Variants in FANCM observed in about 807,000 individuals in gnomAD.
FANCM encodes the protein FA complementation group M, also known as Fanconi anemia group M protein.
Under a neutral mutation model 199.5 loss-of-function variants are expected in FANCM, and 140 were observed. The observed-to-expected ratio is 0.70, with a 90% CI of 0.61 to 0.81. The LOEUF (loss-of-function observed/expected upper bound fraction) is 0.81. Among genes scored for constraint, FANCM ranks in the 30% least tolerant of loss-of-function variants. The pLI is 0.00. For synonymous variants in FANCM, 840 were observed against 836.8 expected (o/e 1.00, Z -0.07); for missense variants, 2,410 against 2,421.4 (o/e 1.00, Z 0.10).
At chr14:45,166,328 G>A (rs1321165818) in intron 10 of FANCM, among the ~76,000 whole-genome samples, 2 of 151,594 alleles carry the variant, frequency 1.3e-5, no homozygotes, top group African/African-American at 4.8e-5. Context: ...CAGTAGAGAC[G>A]AGGGTTCACC....
At chr14:45,141,023 C>T (rs1885881984) in intron 3 of FANCM, among the ~76,000 whole-genome samples, 1 of 152,010 alleles carries the variant, frequency 6.6e-6, no homozygotes, top group Non-Finnish European at 1.5e-5. Context: ...GGTGACAGAG[C>T]AAGACCCGTA....
chr14:45,193,901 G>C (rs951504463), intron 20 of FANCM, among the ~76,000 whole-genome samples: 1 of 152,062 alleles, frequency 6.6e-6, no homozygotes, highest in Non-Finnish European at 1.5e-5. Flanking sequence ...ATTTTGGGTA[G>C]TATTGTCATC....
chr14:45,188,742 T>G lies in FANCM; in HGVS notation c.4780-60T>G, dbSNP rs1889565539. On this transcript the variant is annotated intron_variant, in intron 19 of 22. Coordinates refer to ENST00000267430, the MANE Select transcript of FANCM (RefSeq NM_020937.4). The stretch of plus-strand genomic sequence containing the variant: ...CAGATTTCATGTGCCTAGAAGTATA[T>G]TTTAAATACCTGTTAATTGTCTGAA... 8.6e-6 allele frequency: 11 copies of G among 1,285,434 alleles called. No individual in the cohort carries two copies. The East Asian group carries it at 2.6e-4, about 30-fold the overall frequency. The allele number at this position is 1,285,434 out of a possible 1,614,324, so 79.6% of individuals were successfully genotyped here. A position where few individuals can be genotyped will look rare whatever the true frequency, so the allele number is the denominator to read the frequency against.
At position 45,185,335 on chromosome 14, in the gene FANCM, T is replaced by C; in HGVS notation, c.4634T>C (p.Phe1545Ser). 1.3e-6 allele frequency: 2 copies of C among 1,593,950 alleles called. No individual in the cohort carries two copies. The highest frequency in any genetic ancestry group is 1.7e-6 in the Non-Finnish European group (2 of 1,166,110). The change falls in exon 18 of 23, where the codon TTT becomes TCT. Residue 1545 changes from phenylalanine (F) to serine (S), a missense_variant. Phe to Ser is a radical substitution (Grantham distance 155). Coordinates refer to ENST00000267430, the MANE Select transcript of FANCM (RefSeq NM_020937.4). ...GAACAAGATTCCTCATTACTTGACT[T>C]TTTAAATGATGAAACTCAACTTTCA... Reference protein sequence around the residue: ...ENEQDSSLLDFLNDETQLSQA... With the variant: ...ENEQDSSLLDSLNDETQLSQA...
intron 8 of FANCM, among the ~76,000 whole-genome samples, chr14:45,157,453 C>T (rs142354889): frequency 6.6e-6 from 1 of 151,894 alleles, no homozygotes; most frequent in Admixed American, 6.6e-5. Context: ...GGAAACTGGA[C>T]AAGTAAAATG....
intron 10 of FANCM, among the ~76,000 whole-genome samples, chr14:45,164,908 A>G (rs1443368158): frequency 6.6e-6 from 1 of 152,252 alleles, no homozygotes; most frequent in Non-Finnish European, 1.5e-5. Flanking sequence ...TTTCTGAACT[A>G]TAGTAAACTG....
chr14:45,147,919 C>G (rs1043450890), intron 3 of FANCM, among the ~76,000 whole-genome samples: 1 of 145,394 alleles, frequency 6.9e-6, no homozygotes, highest in African/African-American at 2.6e-5. Context: ...AAAAAAAAGC[C>G]GGGCGTGATG....
intron 11 of FANCM, 59 bp downstream of exon 11, chr14:45,167,222 T>G (rs1288055068): frequency 2.2e-6 from 2 of 922,576 alleles, no homozygotes; most frequent in Non-Finnish European, 3.6e-6. Context: ...TAGCAGGTCG[T>G]ATCTTGATAT....
chr14:45,182,621 A>G (rs560306707), intron 16 of FANCM, among the ~76,000 whole-genome samples: 16 of 152,306 alleles, frequency 1.1e-4, no homozygotes, highest in Admixed American at 8.5e-4. Flanking sequence ...CTTAAGGTTA[A>G]TGATACTCAC....
intron 9 of FANCM, among the ~76,000 whole-genome samples, chr14:45,160,415 C>T (rs1887516074): frequency 6.6e-6 from 1 of 151,708 alleles, no homozygotes; most frequent in Non-Finnish European, 1.5e-5. Flanking sequence ...CTCCGCCTCC[C>T]GGGTTCAAGA....
intron 8 of FANCM, among the ~76,000 whole-genome samples, chr14:45,156,512 G>C (rs538370645): frequency 6.6e-6 from 1 of 152,252 alleles, no homozygotes; most frequent in East Asian, 1.9e-4. Context: ...CATAATAGTG[G>C]TGTTCATCAA....
rs1375421660 is a variant in FANCM at position 45,188,847 on chromosome 14, GAT to G, written c.4826_4827del (p.Asp1609GlyfsTer11). The part of the protein sequence containing the change: ...ETYLEDSFCV[D>X]EEESCKGQSS... ...CTATTTAGAGGATAGTTTTTGTGTT[GAT>G]GAAGAGGAGTCTTGCAAAGGCCAAT... On this transcript the variant is annotated frameshift_variant, in exon 20 of 23. Transcript: ENST00000267430. LOFTEE classifies it high-confidence loss of function. 9 of 1,613,456 alleles carry G rather than the reference GAT, an allele frequency of 5.6e-6. No individual in the cohort carries two copies. Among genetic ancestry groups the G allele is most frequent in the African/African-American group, 1.3e-5 (1 of 75,006 alleles).
chr14:45,176,150 A>C lies in FANCM; in HGVS notation c.3396A>C (p.Glu1132Asp). The C allele has an allele frequency of 6.2e-7, 1 of 1,614,052 alleles. No homozygotes were observed. The highest frequency in any genetic ancestry group is 8.5e-7 in the Non-Finnish European group (1 of 1,179,950). ...CAGTATTGTCCACTGATCAAGATGA[A>C]AGTTTGCTGTTATTTGAAGATGTTA... Reference protein sequence around the residue: ...DLPVLSTDQDESLLLFEDVNT... With the variant: ...DLPVLSTDQDDSLLLFEDVNT... The change falls in exon 14 of 23, where the codon GAA (glutamate) becomes GAC (aspartate). Residue 1132 changes from glutamate to aspartate, a missense_variant. Transcript: ENST00000267430.
chr14:45,144,053 T>C (rs1337907671), intron 3 of FANCM, among the ~76,000 whole-genome samples: 1 of 152,114 alleles, frequency 6.6e-6, no homozygotes, highest in Non-Finnish European at 1.5e-5. Context: ...TTTTTTATTT[T>C]TATGGGTACA....
At chr14:45,197,764 CTTCT>C (rs1254581002) in intron 21 of FANCM, among the ~76,000 whole-genome samples, 1 of 130,094 alleles carries the variant, frequency 7.7e-6, no homozygotes, top group African/African-American at 3.1e-5. Context: ...CATGCCCAGC[CTTCT>C]TTTTTTTTTT....
chr14:45,196,397 A>C lies in FANCM; in HGVS notation c.5566A>C (p.Ile1856Leu). 2 of 1,614,090 alleles carry C rather than the reference A, an allele frequency of 1.2e-6. 1 individual carries two copies. Among genetic ancestry groups the C allele is most frequent in the South Asian group, 2.2e-5 (2 of 91,080 alleles). Residue 1856 changes from isoleucine (I) to leucine (L), a missense_variant, in exon 21 of 23, where the codon ATC becomes CTC. Physicochemically the swap from Ile to Leu is conservative, Grantham distance 5. Coordinates refer to ENST00000267430, the MANE Select transcript of FANCM (RefSeq NM_020937.4). ...TTGTCCTCTTAATGGCTGTGATTAC[A>C]TCGTGAGTAATCGCATGGTGGTGGA... ...EVCPLNGCDY[I>L]VSNRMVVERR...
At position 45,188,990 on chromosome 14, in the gene FANCM, T is replaced by C. The variant is rs1889586567; in HGVS notation, c.4968T>C (p.Asn1656=). 3.1e-6 allele frequency: 5 copies of C among 1,613,956 alleles called. No homozygotes were observed. The highest frequency in any genetic ancestry group is 3.4e-6 in the Non-Finnish European group (4 of 1,179,936). Reference sequence around the variant, plus strand: ...TGCTAAAAGAAATGATGGAACAAAATTGTGCACATTCAAAAAAGAAATTAT... The same window carrying C: ...TGCTAAAAGAAATGATGGAACAAAACTGTGCACATTCAAAAAAGAAATTAT... ...AVMLKEMMEQ[N]CAHSKKKLSR... The change falls in exon 20 of 23, where the codon AAT becomes AAC. Residue 1656 remains asparagine, a synonymous_variant. Coordinates refer to ENST00000267430, the MANE Select transcript of FANCM (RefSeq NM_020937.4).
intron 14 of FANCM, among the ~76,000 whole-genome samples, chr14:45,179,676 C>T (rs1888943435): frequency 6.6e-6 from 1 of 151,078 alleles, no homozygotes; most frequent in African/African-American, 2.4e-5. Flanking sequence ...ATTCTCCTGC[C>T]TCAGCCTCTC....
intron 20 of FANCM, among the ~76,000 whole-genome samples, chr14:45,193,305 C>T (rs372045868): frequency 5.3e-5 from 8 of 152,244 alleles, no homozygotes; most frequent in South Asian, 2.1e-4. Flanking sequence ...TTCCTACCTT[C>T]GAGACCTGGG....
Sources: gnomAD v4.1 joint callset for allele counts (sites outside exome capture counted in the v4.1 genomes callset) on GRCh38, gnomAD v4.1.1 for gene constraint, MANE v1.5 for transcripts, NCBI Gene and HGNC (gene_info 2026-07-23, HGNC 2026-07-21) for gene names.